The following SLIT3 variants were observed in gnomAD, a reference collection of about 807,000 sequenced individuals.
The protein encoded by SLIT3 is slit guidance ligand 3, also known as slit homolog 3 protein.
A neutral mutation model predicts 184.0 loss-of-function variants in SLIT3; 68 were observed. The observed-to-expected ratio is 0.37, with a 90% CI of 0.30 to 0.45. The LOEUF (loss-of-function observed/expected upper bound fraction) is 0.45, where lower values mean the gene tolerates loss of function less well. Among genes scored for constraint, SLIT3 ranks in the 20% least tolerant of loss-of-function variants. The pLI, the probability that SLIT3 is intolerant of heterozygous loss-of-function variation, is 1.00. For missense variants in SLIT3, 1,707 were observed against 2,026.0 expected, an observed-to-expected ratio of 0.84 and a Z score of 3.02; for synonymous variants, 831 against 828.6, an observed-to-expected ratio of 1.00 and a Z score of -0.05.
intron 5 of SLIT3, among the ~76,000 whole-genome samples, chr5:168,861,281 A>G (rs57062233): frequency 3.4e-5 from 5 of 146,994 alleles, no homozygotes; most frequent in East Asian, 2.0e-4. Context: ...GACAGGCCCC[A>G]GTGTGTGATG....
intron 4 of SLIT3, among the ~76,000 whole-genome samples, chr5:169,174,179 G>A (rs1762898601): frequency 6.6e-6 from 1 of 152,158 alleles, no homozygotes. Flanking sequence ...GGTCTTTCGG[G>A]CCATCCTACC....
intron 14 of SLIT3, among the ~76,000 whole-genome samples, chr5:168,770,560 A>G (rs1411821092): frequency 6.6e-6 from 1 of 152,150 alleles, no homozygotes; most frequent in East Asian, 1.9e-4. Flanking sequence ...CTTTCTTTGC[A>G]ATGACATAAA....
At chr5:169,220,524 G>A (rs1237919165) in intron 3 of SLIT3, among the ~76,000 whole-genome samples, 1 of 151,982 alleles carries the variant, frequency 6.6e-6, no homozygotes. Flanking sequence ...TGGTATATGA[G>A]ATCACACACA....
chr5:169,193,915 A>C (rs1175178690), intron 3 of SLIT3, among the ~76,000 whole-genome samples: 1 of 152,112 alleles, frequency 6.6e-6, no homozygotes, highest in Non-Finnish European at 1.5e-5. Flanking sequence ...TGAGTGATGA[A>C]ACTGGCATGT....
chr5:168,704,702 C>G (rs918737767), intron 26 of SLIT3, among the ~76,000 whole-genome samples: 3 of 152,188 alleles, frequency 2.0e-5, no homozygotes, highest in Non-Finnish European at 4.4e-5. Context: ...GTAGCTGCTA[C>G]CAAATGTTAC....
chr5:168,662,185 G>A lies in SLIT3; in HGVS notation c.*4269C>T, dbSNP rs967819309. ...GGGGTTAATTATCTGTGTGTCTTTG[G>A]TCTATGATCACCGCATTCTTCCATT... On this transcript the variant is annotated 3_prime_UTR_variant, in exon 36 of 36. Coordinates refer to ENST00000519560, the MANE Select transcript of SLIT3 (RefSeq NM_003062.4). 2.0e-5 allele frequency: 3 copies of A among 152,226 alleles called. No individual in the cohort carries two copies. Among genetic ancestry groups the A allele is most frequent in the African/African-American group, 7.2e-5 (3 of 41,454 alleles). The allele number at this position is 152,226 out of a possible 1,614,324, so 9.4% of individuals were successfully genotyped here.
intron 4 of SLIT3, among the ~76,000 whole-genome samples, chr5:168,984,668 G>A (rs1581268604): frequency 6.6e-6 from 1 of 152,272 alleles, no homozygotes; most frequent in African/African-American, 2.4e-5. Flanking sequence ...AAGGAGAAGG[G>A]CCCCTTTTAC....
At chr5:169,060,385 C>A (rs1052545984) in intron 4 of SLIT3, among the ~76,000 whole-genome samples, 3 of 146,936 alleles carry the variant, frequency 2.0e-5, no homozygotes, top group Non-Finnish European at 4.5e-5. Context: ...GAGCAAGACT[C>A]CATCTCAAAC....
At chr5:169,271,606 C>A (rs186044151) in intron 1 of SLIT3, among the ~76,000 whole-genome samples, 1 of 152,174 alleles carries the variant, frequency 6.6e-6, no homozygotes, top group African/African-American at 2.4e-5. Context: ...GTGGAAAACA[C>A]AAGCACGTGG....
chr5:168,753,382 C>A (rs534540290), intron 17 of SLIT3, among the ~76,000 whole-genome samples: 2 of 152,288 alleles, frequency 1.3e-5, no homozygotes, highest in East Asian at 3.9e-4. Context: ...AGGGTGTGCA[C>A]ACATATTTCT....
chr5:168,919,926 T>C (rs1252875365), intron 4 of SLIT3, among the ~76,000 whole-genome samples: 1 of 152,236 alleles, frequency 6.6e-6, no homozygotes, highest in Non-Finnish European at 1.5e-5. Flanking sequence ...TTCAATATGC[T>C]TTCTTCTATT....
At chr5:168,754,465 G>C (rs951643039) in intron 16 of SLIT3, among the ~76,000 whole-genome samples, 9 of 152,206 alleles carry the variant, frequency 5.9e-5, no homozygotes, top group Admixed American at 5.9e-4. Flanking sequence ...ACAGTAGAAG[G>C]ATGGTTACCA....
chr5:169,119,311 G>A (rs551870346), intron 4 of SLIT3, among the ~76,000 whole-genome samples: 11 of 152,282 alleles, frequency 7.2e-5, no homozygotes, highest in South Asian at 4.1e-4. Flanking sequence ...CTAGGAAGGA[G>A]CACCCCCTAG....
chr5:168,914,587 T>C (rs893085294), intron 4 of SLIT3, among the ~76,000 whole-genome samples: 1 of 152,232 alleles, frequency 6.6e-6, no homozygotes, highest in African/African-American at 2.4e-5. Context: ...TGGATTCTAT[T>C]CCCAACTCTG....
intron 6 of SLIT3, among the ~76,000 whole-genome samples, chr5:168,834,790 T>A (rs1324472407): frequency 6.7e-6 from 1 of 148,782 alleles, no homozygotes. Context: ...AAAGACACTG[T>A]TTAAACATTC....
At chr5:168,667,786 G>C (rs1761103781) in intron 35 of SLIT3, 1 of 152,188 alleles carries the variant, frequency 6.6e-6, no homozygotes, top group South Asian at 2.1e-4. Context: ...AAAGCTTCAG[G>C]TGTTGTTAAA....
intron 4 of SLIT3, among the ~76,000 whole-genome samples, chr5:169,037,460 C>A (rs1013942754): frequency 1.3e-5 from 2 of 152,122 alleles, no homozygotes; most frequent in Admixed American, 6.5e-5. Flanking sequence ...GAGTCAGGTT[C>A]TTTGCCTTGA....
intron 6 of SLIT3, among the ~76,000 whole-genome samples, chr5:168,835,471 T>C (rs1222668481): frequency 1.3e-5 from 2 of 149,634 alleles, no homozygotes; most frequent in Admixed American, 1.3e-4. Flanking sequence ...CCACCATCCC[T>C]TACTTCAAAA....
chr5:169,231,457 A>G (rs914955017), intron 3 of SLIT3, among the ~76,000 whole-genome samples: 1 of 152,192 alleles, frequency 6.6e-6, no homozygotes, highest in Admixed American at 6.5e-5. Flanking sequence ...GGAATCAGGT[A>G]ATATATATTC....
Sources: gnomAD v4.1 joint callset for allele counts (sites outside exome capture counted in the v4.1 genomes callset) on GRCh38, gnomAD v4.1.1 for gene constraint, MANE v1.5 for transcripts, NCBI Gene and HGNC (gene_info 2026-07-23, HGNC 2026-07-21) for gene names.